The following NCKAP1 variants were observed in gnomAD, a reference collection of about 807,000 sequenced individuals.
The protein encoded by NCKAP1 is NCK associated protein 1.
In NCKAP1, 21 loss-of-function variants were observed where a neutral mutation model predicts 151.2. That is an observed-to-expected ratio of 0.14 (90% CI 0.10 to 0.20). The LOEUF is 0.20. Ranked by LOEUF, NCKAP1 falls within the 10% of genes least tolerant of loss-of-function variation. NCKAP1 has a pLI of 1.00. For missense variants in NCKAP1, 933 were observed against 1,352.1 expected, an observed-to-expected ratio of 0.69 and a Z score of 4.86; for synonymous variants, 484 against 451.8, an observed-to-expected ratio of 1.07 and a Z score of -0.90.
At chr2:182,928,675 A>AC in intron 28 of NCKAP1, 108 bp downstream of exon 28, 1 of 680,064 alleles carries the variant, frequency 1.5e-6, no homozygotes, top group South Asian at 2.3e-5. Flanking sequence ...GAAACAGACT[A>AC]CCCCATGTTC....
In NCKAP1 at chr2:183,003,511, A is replaced by G. The variant is rs555462842; in HGVS notation, c.220-186T>C. ...CTGCTAATAGTGATCAGCAACTGAC[A>G]GTGTGAGGCTATAAAACAAATCAAA... On this transcript the variant is annotated intron_variant, in intron 2 of 30. Coordinates refer to ENST00000361354, the MANE Select transcript of NCKAP1 (RefSeq NM_013436.5). Among the ~76,000 whole-genome samples the G allele has an allele frequency of 3.3e-5, 5 of 152,304 alleles. No homozygotes were observed. The South Asian group carries it at 8.3e-4, about 25-fold the overall frequency.
At position 183,038,158 on chromosome 2, in the gene NCKAP1, C is replaced by A. The variant is rs1160822584; in HGVS notation, c.-59G>T. ...CTCGCGCCCAGTCACGGGCCCGCGG[C>A]CTTCGCAGCAGCCTCTCTCGGGCCT... On this transcript the variant is annotated 5_prime_UTR_variant, in exon 1 of 31. Transcript: ENST00000361354. 1.5e-6 allele frequency: 2 copies of A among 1,302,140 alleles called. No homozygotes were observed. The highest frequency in any genetic ancestry group is 2.1e-6 in the Non-Finnish European group (2 of 975,084). 80.7% of individuals were successfully genotyped at this position (1,302,140 alleles called of 1,614,324 possible). A position where few individuals can be genotyped will look rare whatever the true frequency, so the allele number is the denominator to read the frequency against.
At position 183,038,129 on chromosome 2, in the gene NCKAP1, C is replaced by A; in HGVS notation, c.-30G>T. ...GTGCTGGTGCCGCCGCCGCCGCCGG[C>A]CGCCTCGCGCCCAGTCACGGGCCCG... On this transcript the variant is annotated 5_prime_UTR_variant, in exon 1 of 31. Coordinates refer to ENST00000361354, the MANE Select transcript of NCKAP1 (RefSeq NM_013436.5). The A allele has an allele frequency of 6.7e-7, 1 of 1,495,444 alleles. No individual in the cohort carries two copies. The highest frequency in any genetic ancestry group is 8.9e-7 in the Non-Finnish European group (1 of 1,124,800). 92.6% of individuals were successfully genotyped at this position (1,495,444 alleles called of 1,614,324 possible).
chr2:183,038,437 G>GCGGCGTCTC lies in NCKAP1; in HGVS notation c.-347_-339dup. On this transcript the variant is annotated 5_prime_UTR_variant, in exon 1 of 31. Coordinates refer to ENST00000361354, the MANE Select transcript of NCKAP1 (RefSeq NM_013436.5). ...AGGTGTGGCGGCGGCGGCGGCGGCGGCGGCGTCTCCGGCGGCTGAGAACGA... is the reference window on the plus strand; with the variant it reads ...AGGTGTGGCGGCGGCGGCGGCGGCGGCGGCGTCTCCGGCGTCTCCGGCGGCTGAGAACGA... 5.3e-6 allele frequency: 1 copy of GCGGCGTCTC among 189,916 alleles called. No homozygotes were observed. Among genetic ancestry groups the GCGGCGTCTC allele is most frequent in the Non-Finnish European group, 1.0e-5 (1 of 96,840 alleles). The allele number at this position is 189,916 out of a possible 1,614,324, so 11.8% of individuals were successfully genotyped here.
chr2:182,946,082 T>C (rs1052631643), intron 23 of NCKAP1, among the ~76,000 whole-genome samples: 1 of 152,114 alleles, frequency 6.6e-6, no homozygotes, highest in Admixed American at 6.5e-5. Context: ...ACCTCACATT[T>C]TCACTTAAAA....
At chr2:182,956,346 A>G (rs1697327595) in intron 20 of NCKAP1, 116 bp downstream of exon 20, 5 of 1,352,382 alleles carry the variant, frequency 3.7e-6, no homozygotes, top group Middle Eastern at 5.0e-4. Flanking sequence ...GGCCCGGTTC[A>G]TTATTCTTAA....
intron 6 of NCKAP1, among the ~76,000 whole-genome samples, chr2:182,998,947 G>C (rs1402368556): frequency 6.6e-6 from 1 of 150,924 alleles, no homozygotes; most frequent in Non-Finnish European, 1.5e-5. Flanking sequence ...ACCTAACCAA[G>C]GAGGTGAAAC....
rs766959666 is a variant in NCKAP1 at position 182,983,401 on chromosome 2, T to A, written c.1005-19A>T. ...TGAACCACTATGGGGAAAGACACCA[T>A]AATAGTTTATCTGCTTCTACTAAAA... On this transcript the variant is annotated intron_variant, in intron 10 of 30. Transcript: ENST00000361354. 7.2e-6 allele frequency: 11 copies of A among 1,523,884 alleles called. No individual in the cohort carries two copies. The South Asian group carries it at 1.1e-4, about 16-fold the overall frequency. The allele number at this position is 1,523,884 out of a possible 1,614,324, so 94.4% of individuals were successfully genotyped here. A position where few individuals can be genotyped will look rare whatever the true frequency, so the allele number is the denominator to read the frequency against.
At chr2:182,932,011 T>A (rs1445134527) in intron 26 of NCKAP1, among the ~76,000 whole-genome samples, 1 of 152,116 alleles carries the variant, frequency 6.6e-6, no homozygotes. Context: ...GAAACCCTCA[T>A]ACAATGCTGG....
chr2:183,030,762 T>C (rs543964793), intron 1 of NCKAP1, among the ~76,000 whole-genome samples: 4 of 152,342 alleles, frequency 2.6e-5, no homozygotes, highest in South Asian at 4.1e-4. Context: ...AAAAGTAATA[T>C]ATACCTATGA....
At chr2:182,942,920 CAAAG>C (rs1575020214) in intron 23 of NCKAP1, among the ~76,000 whole-genome samples, 1 of 152,114 alleles carries the variant, frequency 6.6e-6, no homozygotes, top group African/African-American at 2.4e-5. Flanking sequence ...TCTAAAACAA[CAAAG>C]AGAGAAGTGA....
intron 24 of NCKAP1, among the ~76,000 whole-genome samples, chr2:182,937,114 C>CAA (rs67087110): frequency 2.0e-4 from 16 of 80,836 alleles, no homozygotes; most frequent in African/African-American, 7.0e-4. Flanking sequence ...GACTGTCTCA[C>CAA]AAAAAAAAAA....
At chr2:183,022,652 A>G in intron 2 of NCKAP1, among the ~76,000 whole-genome samples, 1 of 152,110 alleles carries the variant, frequency 6.6e-6, no homozygotes, top group East Asian at 1.9e-4. Flanking sequence ...AACCTCTACT[A>G]ACCTGTACTC....
chr2:182,947,601 G>T (rs565486862), intron 23 of NCKAP1, among the ~76,000 whole-genome samples: 8 of 152,016 alleles, frequency 5.3e-5, no homozygotes, highest in African/African-American at 9.6e-5. Flanking sequence ...ATTTTATAGA[G>T]ATATATATAT....
intron 15 of NCKAP1, among the ~76,000 whole-genome samples, chr2:182,969,040 G>C (rs990799170): frequency 6.6e-6 from 1 of 152,188 alleles, no homozygotes; most frequent in East Asian, 1.9e-4. Context: ...AGCCTAAGGA[G>C]TTTTACTTAC....
chr2:182,980,968 C>A (rs1174785862), intron 13 of NCKAP1, among the ~76,000 whole-genome samples: 1 of 152,176 alleles, frequency 6.6e-6, no homozygotes, highest in Non-Finnish European at 1.5e-5. Flanking sequence ...CCAAGGCCCT[C>A]TGTAATTTGG....
intron 2 of NCKAP1, among the ~76,000 whole-genome samples, chr2:183,009,475 G>GGAAGC (rs1553517571): frequency 1.0e-5 from 1 of 100,226 alleles, no homozygotes; most frequent in African/African-American, 4.1e-5. Flanking sequence ...AGGAAGGAAG[G>GGAAGC]AAGCAAGCAA....
intron 2 of NCKAP1, among the ~76,000 whole-genome samples, chr2:183,005,059 C>T (rs1421660800): frequency 6.6e-6 from 1 of 152,056 alleles, no homozygotes; most frequent in Non-Finnish European, 1.5e-5. Flanking sequence ...TGTTTATATG[C>T]ACATTTTAAT....
At chr2:183,031,465 A>G (rs1401172464) in intron 1 of NCKAP1, among the ~76,000 whole-genome samples, 1 of 152,232 alleles carries the variant, frequency 6.6e-6, no homozygotes, top group Admixed American at 6.5e-5. Flanking sequence ...TGAAATACAA[A>G]TAATTATTCT....
Sources: allele counts gnomAD v4.1 joint callset (sites outside exome capture counted in the v4.1 genomes callset), GRCh38; gene constraint gnomAD v4.1.1; transcripts MANE v1.5; gene names NCBI Gene and HGNC (gene_info 2026-07-23, HGNC 2026-07-21).